The following MAPKAPK3 variants were observed in gnomAD, a reference collection of about 807,000 sequenced individuals.
The protein encoded by MAPKAPK3 is MAPK activated protein kinase 3.
MAPKAPK3 carries 35 observed loss-of-function variants against 49.2 expected under a neutral mutation model. The ratio of observed to expected loss-of-function variants is 0.71; its 90% CI spans 0.54 to 0.94. The LOEUF (loss-of-function observed/expected upper bound fraction) is 0.94. Among genes scored for constraint, MAPKAPK3 ranks in the 40% least tolerant of loss-of-function variants. MAPKAPK3 has a pLI of 0.00. For missense variants in MAPKAPK3, 398 were observed against 493.1 expected (o/e 0.81, Z 1.83); for synonymous variants, 178 against 188.7 (o/e 0.94, Z 0.46).
intron 10 of MAPKAPK3, among the ~76,000 whole-genome samples, 191 bp downstream of exon 10, chr3:50,647,394 T>C (rs2033329521): frequency 6.6e-6 from 1 of 152,222 alleles, no homozygotes; most frequent in African/African-American, 2.4e-5. Flanking sequence ...TTCAGTGTGG[T>C]GCTCCTGGCT....
At chr3:50,641,654 G>T in intron 3 of MAPKAPK3, 53 bp from the exon 4 acceptor site, 1 of 1,439,922 alleles carries the variant, frequency 6.9e-7, no homozygotes, top group Non-Finnish European at 9.8e-7. Flanking sequence ...CAGGGGCAAG[G>T]GTAGGATGAT....
chr3:50,648,037 C>G lies in MAPKAPK3; in HGVS notation c.1140C>G (p.Asn380Lys). 1 of 1,612,732 alleles carries G rather than the reference C, an allele frequency of 6.2e-7. No individual in the cohort carries two copies. Among genetic ancestry groups the G allele is most frequent in the Non-Finnish European group, 8.5e-7 (1 of 1,179,498 alleles). Residue 380 changes from asparagine (N) to lysine (K), a missense_variant, in exon 11 of 11, where the codon AAC becomes AAG. Coordinates refer to ENST00000621469, the MANE Select transcript of MAPKAPK3 (RefSeq NM_001243925.2). ...GCTCCTCTGCCTCACAGGGCTGCAA[C>G]AACCAGTAGCTCATGGGGCCTTGGA... ...AGSSSASQGC[N>K]NQ
chr3:50,637,419 G>A (rs770678123), intron 2 of MAPKAPK3, among the ~76,000 whole-genome samples: 31 of 151,974 alleles, frequency 2.0e-4, no homozygotes, highest in African/African-American at 6.5e-4. Context: ...GGTGGATCAC[G>A]AGGTCAGGAG....
chr3:50,647,980 C>A lies in MAPKAPK3; in HGVS notation c.1083C>A (p.Leu361=). Residue 361 remains leucine, a synonymous_variant, in exon 11 of 11, where the codon CTC becomes CTA. Transcript: ENST00000621469. The part of the protein sequence containing the change: ...IKDLKTSNNR[L]LNKRRKKQAG... ...ACCTGAAGACCTCTAACAACCGGCT[C>A]CTCAACAAGAGGAGAAAAAAGCAGG... is the stretch of plus-strand genomic sequence containing the variant. 1 of 1,613,962 alleles carries A rather than the reference C, an allele frequency of 6.2e-7. No homozygotes were observed. Among genetic ancestry groups the A allele is most frequent in the Non-Finnish European group, 8.5e-7 (1 of 1,180,000 alleles).
upstream of MAPKAPK3, chr3:50,613,969 C>T (rs150954973): frequency 2.0e-5 from 3 of 152,406 alleles, no homozygotes; most frequent in Non-Finnish European, 4.4e-5. Flanking sequence ...GCCCCCAGGC[C>T]TGTCCATGTC....
At chr3:50,615,989 G>A (rs1415224182), upstream of MAPKAPK3, among the ~76,000 whole-genome samples, 2 of 152,086 alleles carry the variant, frequency 1.3e-5, no homozygotes, top group African/African-American at 2.4e-5. Context: ...GTGTTAACCA[G>A]AGGGGCTGAG....
chr3:50,619,706 G>A (rs2032561205), intron 2 of MAPKAPK3, among the ~76,000 whole-genome samples: 1 of 152,164 alleles, frequency 6.6e-6, no homozygotes, highest in Non-Finnish European at 1.5e-5. Flanking sequence ...GATGCTGTGG[G>A]TGAGTCAGGG....
chr3:50,617,206 C>G lies in MAPKAPK3; in HGVS notation c.-88C>G. 1 of 182,166 alleles carries G rather than the reference C, an allele frequency of 5.5e-6. No homozygotes were observed. Among genetic ancestry groups the G allele is most frequent in the Non-Finnish European group, 1.1e-5 (1 of 87,854 alleles). The allele number at this position is 182,166 out of a possible 1,614,324, so 11.3% of individuals were successfully genotyped here. A position where few individuals can be genotyped will look rare whatever the true frequency, so the allele number is the denominator to read the frequency against. ...AGCTCCCGCGACCGCCTCTCCTGCC[C>G]CTCGCCGGTACCTCAGCAAGGTGCG... is the stretch of plus-strand genomic sequence containing the variant. On this transcript the variant is annotated 5_prime_UTR_variant, in exon 1 of 11. Coordinates refer to ENST00000621469, the MANE Select transcript of MAPKAPK3 (RefSeq NM_001243925.2).
rs149803398 is a variant in MAPKAPK3 at position 50,646,068 on chromosome 3, G to A, written c.705-72G>A. The A allele has an allele frequency of 8.6e-4, 1,339 of 1,557,324 alleles. 1 individual carries two copies. The highest frequency in any genetic ancestry group is 1.0e-3 in the Non-Finnish European group (1,189 of 1,147,946). ...TGGTTGTCTGTCTCCCCAGTCAGGG[G>A]CTTTTGAGGGGAAATGGGTCCACCC... On this transcript the variant is annotated intron_variant, in intron 7 of 10. Coordinates refer to ENST00000621469, the MANE Select transcript of MAPKAPK3 (RefSeq NM_001243925.2).
At chr3:50,618,029 C>T (rs879338319) in intron 2 of MAPKAPK3, among the ~76,000 whole-genome samples, 6 of 152,206 alleles carry the variant, frequency 3.9e-5, no homozygotes, top group Admixed American at 1.3e-4. Flanking sequence ...GCTAGAGATG[C>T]TGTATCCGGA....
chr3:50,628,708 G>T (rs1461436891), intron 2 of MAPKAPK3, among the ~76,000 whole-genome samples: 1 of 152,190 alleles, frequency 6.6e-6, no homozygotes, highest in Non-Finnish European at 1.5e-5. Context: ...GGCAGAGGGA[G>T]TTGTGATCCT....
chr3:50,640,400 T>C lies in MAPKAPK3; in HGVS notation c.254T>C (p.Val85Ala). The change falls in exon 3 of 11, where the codon GTA (valine) becomes GCA (alanine). Residue 85 changes from valine to alanine, a missense_variant. By Grantham distance (64) the Val-to-Ala change is moderately conservative. This residue lies in a region of MAPKAPK3 where 123 missense variants were observed against 117.7 expected (regional missense o/e 1.04). Coordinates refer to ENST00000621469, the MANE Select transcript of MAPKAPK3 (RefSeq NM_001243925.2). ...GACAGCCCCAAGGCCCGGCAGGAGGTAGACCATCACTGGCAGGCTTCTGGC... is the reference window on the plus strand; with the variant it reads ...GACAGCCCCAAGGCCCGGCAGGAGGCAGACCATCACTGGCAGGCTTCTGGC... ...LYDSPKARQEVDHHWQASGGP... is the reference protein window; with the variant it reads ...LYDSPKARQEADHHWQASGGP... 6.2e-7 allele frequency: 1 copy of C among 1,614,006 alleles called. No individual in the cohort carries two copies.
At chr3:50,626,992 A>C (rs1464061182) in intron 2 of MAPKAPK3, among the ~76,000 whole-genome samples, 1 of 152,094 alleles carries the variant, frequency 6.6e-6, no homozygotes, top group Admixed American at 6.6e-5. Context: ...CAGGAGTTCG[A>C]GATCAGCGTG....
chr3:50,648,016 C>T lies in MAPKAPK3; in HGVS notation c.1119C>T (p.Ser373=), dbSNP rs751553699. The T allele has an allele frequency of 6.2e-7, 1 of 1,613,774 alleles. No individual in the cohort carries two copies. Among genetic ancestry groups the T allele is most frequent in the South Asian group, 1.1e-5 (1 of 91,076 alleles). Residue 373 remains serine (S), a synonymous_variant, in exon 11 of 11, where the codon TCC becomes TCT. Transcript: ENST00000621469. ...NKRRKKQAGS[S]SASQGCNNQ ...GGAGAAAAAAGCAGGCAGGCAGCTC[C>T]TCTGCCTCACAGGGCTGCAACAACC...
Position 50,648,212 on chromosome 3 carries a change from C to T in MAPKAPK3, c.*166C>T, listed in dbSNP as rs1442758126. On this transcript the variant is annotated 3_prime_UTR_variant, in exon 11 of 11. Coordinates refer to ENST00000621469, the MANE Select transcript of MAPKAPK3 (RefSeq NM_001243925.2). The stretch of plus-strand genomic sequence containing the variant: ...CAGGATGGAGGACCCTGACCCTAAA[C>T]CTCCTTCAGATCTCTGGCCCAGGCT... 7.3e-6 allele frequency: 5 copies of T among 685,562 alleles called. No individual in the cohort carries two copies. In the African/African-American group the frequency reaches 9.1e-5, roughly 12 times the overall value. The allele number at this position is 685,562 out of a possible 1,614,324, so 42.5% of individuals were successfully genotyped here. A position where few individuals can be genotyped will look rare whatever the true frequency, so the allele number is the denominator to read the frequency against.
rs1466722574 is a variant in MAPKAPK3, at chr3:50,645,859, TC to T, written c.704+80del. On this transcript the variant is annotated intron_variant, in intron 7 of 10. Coordinates refer to ENST00000621469, the MANE Select transcript of MAPKAPK3 (RefSeq NM_001243925.2). ...CTGTGAGCCCTCAGGACCACTTCTG[TC>T]CCCCCACCCCCATGTCCTTGGTGAG... The T allele has an allele frequency of 4.7e-5, 62 of 1,314,698 alleles. No individual in the cohort carries two copies. In the East Asian group the frequency reaches 1.4e-3, roughly 29 times the overall value. 81.4% of individuals were successfully genotyped at this position (1,314,698 alleles called of 1,614,324 possible). A position where few individuals can be genotyped will look rare whatever the true frequency, so the allele number is the denominator to read the frequency against.
Position 50,634,780 on chromosome 3 carries a change from C to T in MAPKAPK3, c.220-5586C>T, listed in dbSNP as rs563076332. Among the ~76,000 whole-genome samples the T allele has an allele frequency of 3.9e-5, 6 of 152,348 alleles. No individual in the cohort carries two copies. The South Asian group carries it at 6.2e-4, about 16-fold the overall frequency. On this transcript the variant is annotated intron_variant, in intron 2 of 10. Transcript: ENST00000621469. Reference sequence around the variant, plus strand: ...TGTTAGGATTACAGGCGTAAGCCACCGTGCTTAGCCCCTTCCTATCTTCTT... The same window carrying T: ...TGTTAGGATTACAGGCGTAAGCCACTGTGCTTAGCCCCTTCCTATCTTCTT...
chr3:50,647,014 G>A, intron 9 of MAPKAPK3, 109 bp from the exon 10 acceptor site: 1 of 1,155,006 alleles, frequency 8.7e-7, no homozygotes, highest in Non-Finnish European at 1.3e-6. Flanking sequence ...TCCCCACCCT[G>A]AGCCTTGGTT....
At chr3:50,640,616 C>A in intron 3 of MAPKAPK3, 111 bp downstream of exon 3, 1 of 1,352,204 alleles carries the variant, frequency 7.4e-7, no homozygotes, top group Non-Finnish European at 1.0e-6. Context: ...ATCTGGGTGC[C>A]ACTGTAGCCC....
Sources: gnomAD v4.1 joint callset for allele counts (sites outside exome capture counted in the v4.1 genomes callset) on GRCh38, gnomAD v4.1.1 for gene constraint, gnomAD v4.1.1 regional missense constraint, MANE v1.5 for transcripts, NCBI Gene and HGNC (gene_info 2026-07-23, HGNC 2026-07-21) for gene names.